PTPN21: variants seen among roughly 807,000 people sequenced by gnomAD.
PTPN21 encodes tyrosine-protein phosphatase non-receptor type 21.
Under a neutral mutation model 131.8 loss-of-function variants are expected in PTPN21, and 77 were observed. The ratio of observed to expected loss-of-function variants is 0.58; its 90% CI spans 0.49 to 0.71. The LOEUF (loss-of-function observed/expected upper bound fraction) is 0.71, where lower values mean the gene tolerates loss of function less well. Ranked by LOEUF, PTPN21 falls within the 30% of genes least tolerant of loss-of-function variation. The pLI, the probability that PTPN21 is intolerant of heterozygous loss-of-function variation, is 0.00. For missense variants in PTPN21, 1,552 were observed against 1,527.1 expected, an observed-to-expected ratio of 1.02 and a Z score of -0.27; for synonymous variants, 715 against 621.3, an observed-to-expected ratio of 1.15 and a Z score of -2.24.
At chr14:88,542,112 T>C (rs2078715859) in intron 2 of PTPN21, among the ~76,000 whole-genome samples, 1 of 152,240 alleles carries the variant, frequency 6.6e-6, no homozygotes, top group Non-Finnish European at 1.5e-5. Context: ...CTGGGTCTTT[T>C]GCTTATTAGC....
At chr14:88,545,637 G>A (rs535960319) in intron 2 of PTPN21, among the ~76,000 whole-genome samples, 4 of 152,142 alleles carry the variant, frequency 2.6e-5, no homozygotes, top group Non-Finnish European at 5.9e-5. Context: ...CTGCTATAAC[G>A]AACAGCAATA....
chr14:88,481,812 C>T lies in PTPN21; in HGVS notation c.1079-1460G>A, dbSNP rs184848057. Among the ~76,000 whole-genome samples the T allele has an allele frequency of 6.0e-4, 91 of 152,310 alleles. 2 individuals carry two copies. The highest frequency in any genetic ancestry group is 5.1e-3 in the Admixed American group (78 of 15,300). ...TTCCATCAGAAGTGAGGTCTCTCCA[C>T]CTCTCAGAGCACGCAGGGTTACCCC... is the stretch of plus-strand genomic sequence containing the variant. On this transcript the variant is annotated intron_variant, in intron 12 of 18. Transcript: ENST00000556564.
chr14:88,471,061 C>T lies in PTPN21; in HGVS notation c.2872-1011G>A, dbSNP rs149501848. Among the ~76,000 whole-genome samples, 403 of 152,238 alleles carry T rather than the reference C, an allele frequency of 2.6e-3. 2 individuals carry two copies. The highest frequency in any genetic ancestry group is 9.3e-3 in the African/African-American group (386 of 41,538). ...TCATGAGAGACTGGATGAGTTATTT[C>T]AAGGAAATGCTCGGTTTTTAAGTAA... On this transcript the variant is annotated intron_variant, in intron 15 of 18. Coordinates refer to ENST00000556564, the MANE Select transcript of PTPN21 (RefSeq NM_007039.4).
At position 88,479,285 on chromosome 14, in the gene PTPN21, C is replaced by T. The variant is rs201949704; in HGVS notation, c.2146G>A (p.Asp716Asn). 1.3e-6 allele frequency: 2 copies of T among 1,597,812 alleles called. No homozygotes were observed. The highest frequency in any genetic ancestry group is 1.7e-6 in the Non-Finnish European group (2 of 1,169,958). The change falls in exon 13 of 19, where the codon GAC becomes AAC. Residue 716 changes from aspartate to asparagine, a missense_variant. By Grantham distance (23) the Asp-to-Asn change is conservative. Transcript: ENST00000556564. ...CCGCTCTCCTCCTCGAAGTCCTCGT[C>T]CTCCTCCTCCTCGCTGCTGTGGATT... ...MLIHSSEEEE[D>N]EDFEEESGAR...
intron 2 of PTPN21, among the ~76,000 whole-genome samples, chr14:88,517,652 G>GTATATATACAGGTGTATATATACC: frequency 7.2e-6 from 1 of 139,236 alleles, no homozygotes; most frequent in African/African-American, 2.7e-5. Context: ...TCATATATAT[G>GTATATATACAGGTGTATATATACC]TATATATACA....
At chr14:88,529,838 C>T (rs886508595) in intron 2 of PTPN21, among the ~76,000 whole-genome samples, 6 of 151,826 alleles carry the variant, frequency 4.0e-5, no homozygotes, top group African/African-American at 1.5e-4. Context: ...AAAAATCAGC[C>T]GGGCATGGTG....
intron 2 of PTPN21, among the ~76,000 whole-genome samples, chr14:88,542,468 T>C (rs145343489): frequency 1.2e-4 from 18 of 152,264 alleles, no homozygotes; most frequent in African/African-American, 4.1e-4. Context: ...GACAGACTGA[T>C]GGTAAGAAAA....
In PTPN21 at chr14:88,479,682, G is replaced by A. The variant is rs1436773802; in HGVS notation, c.1749C>T (p.Arg583=). 3 of 1,523,838 alleles carry A rather than the reference G, an allele frequency of 2.0e-6. No homozygotes were observed. Among genetic ancestry groups the A allele is most frequent in the Non-Finnish European group, 2.6e-6 (3 of 1,142,500 alleles). The allele number at this position is 1,523,838 out of a possible 1,614,324, so 94.4% of individuals were successfully genotyped here. A position where few individuals can be genotyped will look rare whatever the true frequency, so the allele number is the denominator to read the frequency against. Residue 583 remains arginine, a synonymous_variant, in exon 13 of 19, where the codon CGC becomes CGT. Transcript: ENST00000556564. ...RPANSTPDLS[R]HLYISSSNPD... ...GGTTGCTGCTGCTGATGTAAAGGTG[G>A]CGGGACAGGTCTGGCGTGCTGTTGG...
At chr14:88,546,339 C>T (rs2078779114) in intron 2 of PTPN21, among the ~76,000 whole-genome samples, 1 of 151,386 alleles carries the variant, frequency 6.6e-6, no homozygotes, top group Admixed American at 6.6e-5. Flanking sequence ...GGACAGATCA[C>T]CTGAGGTCAG....
chr14:88,518,701 G>C (rs1004591295), intron 2 of PTPN21, among the ~76,000 whole-genome samples: 20 of 151,246 alleles, frequency 1.3e-4, no homozygotes, highest in African/African-American at 4.6e-4. Flanking sequence ...AAAGTGCTAG[G>C]ATTATAGGCA....
chr14:88,550,123 AGG>A, intron 2 of PTPN21, 113 bp downstream of exon 2: 2 of 1,080,040 alleles, frequency 1.9e-6, no homozygotes, highest in Non-Finnish European at 2.7e-6. Flanking sequence ...CATGTTGGCC[AGG>A]CTAGGCTCGA....
chr14:88,477,076 T>C (rs1167695283), intron 13 of PTPN21, among the ~76,000 whole-genome samples: 1 of 152,076 alleles, frequency 6.6e-6, no homozygotes, highest in Non-Finnish European at 1.5e-5. Flanking sequence ...AAGGACCCTG[T>C]CCAGCTGGCT....
chr14:88,510,137 T>C (rs1214684882), intron 3 of PTPN21, among the ~76,000 whole-genome samples: 2 of 152,216 alleles, frequency 1.3e-5, no homozygotes, highest in Non-Finnish European at 2.9e-5. Context: ...TTATGAGAAT[T>C]GACTCTTCCA....
intron 12 of PTPN21, among the ~76,000 whole-genome samples, chr14:88,483,138 G>A (rs2140104319): frequency 6.6e-6 from 1 of 151,290 alleles, no homozygotes; most frequent in African/African-American, 2.4e-5. Context: ...CGTGAACCCA[G>A]GAGGCAGGGC....
chr14:88,547,325 A>G (rs990644426), intron 2 of PTPN21, among the ~76,000 whole-genome samples: 1 of 23,874 alleles, frequency 4.2e-5, no homozygotes, highest in African/African-American at 8.3e-5. Flanking sequence ...CGAAGCAACC[A>G]AAGTAAATAA....
At chr14:88,519,953 T>A (rs988046914) in intron 2 of PTPN21, among the ~76,000 whole-genome samples, 1 of 152,182 alleles carries the variant, frequency 6.6e-6, no homozygotes, top group Non-Finnish European at 1.5e-5. Context: ...AAAGCCAGTG[T>A]TTCCCCCAGG....
chr14:88,469,536 A>AG lies in PTPN21; in HGVS notation c.3197dup (p.Glu1067Ter), dbSNP rs761655165. On this transcript the variant is annotated frameshift_variant, in exon 17 of 19. Transcript: ENST00000556564. LOFTEE classifies it high-confidence loss of function. The surrounding 1 kb of genome is among the most constrained non-coding windows in gnomAD (Gnocchi z 4.3). ...TGAGGTCTTCTGGACAGCCATGTTC[A>AG]GGCCAGTCTGTGTATTGGAGGTGCC... 2.5e-6 allele frequency: 4 copies of AG among 1,614,200 alleles called. No individual in the cohort carries two copies. In the South Asian group the frequency reaches 4.4e-5, roughly 18 times the overall value.
Position 88,485,086 on chromosome 14 carries a change from A to C in PTPN21, c.1068T>G (p.Ala356=), listed in dbSNP as rs1352290194. 6.3e-7 allele frequency: 1 copy of C among 1,596,444 alleles called. No individual in the cohort carries two copies. The highest frequency in any genetic ancestry group is 8.6e-7 in the Non-Finnish European group (1 of 1,164,060). The change falls in exon 12 of 19, where the codon GCT becomes GCG. Residue 356 remains alanine, a synonymous_variant. Transcript: ENST00000556564. ...AACAGTGTACTTTACCTTGGGAAGA[A>C]GCATATGGTTCTGTATAATGTCCAT... ...HYNGHYTEPY[A]SSQDNLFVPN... is the part of the protein sequence containing the mutation.
At position 88,480,143 on chromosome 14, in the gene PTPN21, C is replaced by A. The variant is rs149460363; in HGVS notation, c.1288G>T (p.Asp430Tyr). The A allele has an allele frequency of 4.3e-6, 7 of 1,613,986 alleles. No homozygotes were observed. The highest frequency in any genetic ancestry group is 1.3e-5 in the African/African-American group (1 of 74,900). ...SITGSDVMRP[D>Y]YLPSHRHSAV... is the part of the protein sequence containing the mutation. ...CTGTGCCGATGGGACGGGAGGTAGT[C>A]AGGCCTCATGACGTCACTCCCGGTG... The change falls in exon 13 of 19, where the codon GAC becomes TAC. Residue 430 changes from aspartate (D) to tyrosine (Y), a missense_variant. Asp to Tyr is a radical substitution (Grantham distance 160, BLOSUM62 -3). Transcript: ENST00000556564.
Sources: allele counts gnomAD v4.1 joint callset (sites outside exome capture counted in the v4.1 genomes callset), GRCh38; gene constraint gnomAD v4.1.1; non-coding constraint Gnocchi (gnomAD v3.1); transcripts MANE v1.5; gene names NCBI Gene and HGNC (gene_info 2026-07-23, HGNC 2026-07-21).